Variants in DGKB observed in about 807,000 individuals in gnomAD.
DGKB encodes 90 kDa diacylglycerol kinase.
A neutral mutation model predicts 114.3 loss-of-function variants in DGKB; 67 were observed. The ratio of observed to expected loss-of-function variants is 0.59; its 90% CI spans 0.48 to 0.72. The LOEUF (loss-of-function observed/expected upper bound fraction) is 0.72, where lower values mean the gene tolerates loss of function less well. DGKB is among the 30% of genes least tolerant of loss of function. DGKB has a pLI of 0.00. For synonymous variants in DGKB, 398 were observed against 323.1 expected (o/e 1.23, Z -2.49); for missense variants, 907 against 975.2 (o/e 0.93, Z 0.93).
intron 20 of DGKB, among the ~76,000 whole-genome samples, chr7:14,558,071 A>T (rs1456810838): frequency 6.6e-6 from 1 of 150,754 alleles, no homozygotes; most frequent in Non-Finnish European, 1.5e-5. Flanking sequence ...ACATCTCCAC[A>T]TTTTTATCTG....
chr7:14,268,726 A>C lies in DGKB; in HGVS notation c.2122+69789T>G, dbSNP rs559355861. On this transcript the variant is annotated intron_variant, in intron 23 of 25. Coordinates refer to ENST00000402815, the MANE Select transcript of DGKB (RefSeq NM_001350709.2). Reference sequence around the variant, plus strand: ...GTTGGCTTAGCAATTTAATCTATTTAACTCCTACAAAGCATAACTTATTTA... The same window carrying C: ...GTTGGCTTAGCAATTTAATCTATTTCACTCCTACAAAGCATAACTTATTTA... 5.3e-5 allele frequency among the ~76,000 whole-genome samples: 8 copies of C among 152,322 alleles called. No individual in the cohort carries two copies. In the South Asian group the frequency reaches 1.0e-3, roughly 20 times the overall value.
intron 1 of DGKB, among the ~76,000 whole-genome samples, chr7:14,911,071 T>G (rs750356935): frequency 1.3e-5 from 2 of 152,120 alleles, no homozygotes; most frequent in Non-Finnish European, 2.9e-5. Context: ...CATTAACTCA[T>G]TAATCTTAAT....
At chr7:14,801,919 T>C (rs879519049) in intron 2 of DGKB, among the ~76,000 whole-genome samples, 6,387 of 126,310 alleles carry the variant, frequency 0.051, 185 homozygotes, top group South Asian at 0.065. Context: ...CACACATATA[T>C]ACATATACAC....
intron 23 of DGKB, among the ~76,000 whole-genome samples, chr7:14,200,845 C>T (rs1011073279): frequency 5.9e-5 from 9 of 151,874 alleles, no homozygotes; most frequent in Non-Finnish European, 1.0e-4. Context: ...ATTGTAGAAG[C>T]TTAGGAAAAG....
intron 1 of DGKB, among the ~76,000 whole-genome samples, chr7:14,857,263 T>TGTGTGTGTGA (rs961680470): frequency 2.5e-5 from 3 of 118,320 alleles, no homozygotes; most frequent in Admixed American, 8.4e-5. Context: ...TGTGTTTGTG[T>TGTGTGTGTGA]GTGTGTGTGT....
intron 1 of DGKB, among the ~76,000 whole-genome samples, chr7:14,965,965 T>A (rs1787121612): frequency 6.6e-6 from 1 of 152,098 alleles, no homozygotes; most frequent in African/African-American, 2.4e-5. Flanking sequence ...TCCTCCCAAA[T>A]CTGATACCCT....
chr7:14,808,640 CA>C (rs1249404609), intron 2 of DGKB, among the ~76,000 whole-genome samples: 2 of 151,700 alleles, frequency 1.3e-5, no homozygotes, highest in Non-Finnish European at 2.9e-5. Context: ...GAAGAGATTG[CA>C]AAAAAAGAAT....
At chr7:14,469,479 A>T in intron 21 of DGKB, among the ~76,000 whole-genome samples, 1 of 152,086 alleles carries the variant, frequency 6.6e-6, no homozygotes, top group East Asian at 1.9e-4. Context: ...AAAGGAAGGG[A>T]GAAAAGTTAT....
intron 21 of DGKB, among the ~76,000 whole-genome samples, chr7:14,465,301 T>C (rs1187137651): frequency 1.3e-5 from 2 of 150,330 alleles, no homozygotes; most frequent in East Asian, 2.0e-4. Flanking sequence ...ATAATAAATA[T>C]TTCTCAAGCT....
intron 23 of DGKB, among the ~76,000 whole-genome samples, chr7:14,313,448 T>C (rs545514014): frequency 3.9e-5 from 6 of 152,240 alleles, no homozygotes; most frequent in African/African-American, 1.4e-4. Flanking sequence ...GGGCGAGGCA[T>C]TGCCTCACTC....
chr7:14,749,669 C>G (rs1288424022), intron 4 of DGKB, among the ~76,000 whole-genome samples: 1 of 152,076 alleles, frequency 6.6e-6, no homozygotes, highest in African/African-American at 2.4e-5. Context: ...GTGACACTGT[C>G]TTGTCACACC....
At chr7:14,284,341 C>G (rs936237793) in intron 23 of DGKB, among the ~76,000 whole-genome samples, 2 of 142,550 alleles carry the variant, frequency 1.4e-5, no homozygotes, top group African/African-American at 5.8e-5. Context: ...GAATGGCAAT[C>G]ATTAAAAAGT....
intron 2 of DGKB, among the ~76,000 whole-genome samples, chr7:14,793,666 A>T (rs1301725771): frequency 6.6e-6 from 1 of 152,178 alleles, no homozygotes; most frequent in African/African-American, 2.4e-5. Context: ...TATATGCATA[A>T]GCTGACAGAA....
intron 17 of DGKB, among the ~76,000 whole-genome samples, chr7:14,586,418 G>T (rs1800774078): frequency 6.6e-6 from 1 of 152,074 alleles, no homozygotes; most frequent in South Asian, 2.1e-4. Context: ...GCAGATGTTG[G>T]TTCTTGAAGC....
chr7:14,540,188 T>A (rs1793192686), intron 20 of DGKB, among the ~76,000 whole-genome samples: 1 of 152,144 alleles, frequency 6.6e-6, no homozygotes, highest in African/African-American at 2.4e-5. Flanking sequence ...GGAGGTATAA[T>A]ATTTGTTATT....
chr7:14,933,780 T>C (rs1347797424), intron 1 of DGKB, among the ~76,000 whole-genome samples: 1 of 152,186 alleles, frequency 6.6e-6, no homozygotes, highest in East Asian at 1.9e-4. Context: ...GTTTTGCTGC[T>C]CTTCGATTAT....
intron 25 of DGKB, among the ~76,000 whole-genome samples, chr7:14,157,593 G>C (rs1288830094): frequency 6.6e-6 from 1 of 152,052 alleles, no homozygotes; most frequent in Non-Finnish European, 1.5e-5. Flanking sequence ...TGAAAGTGAT[G>C]GACTATTTGG....
At chr7:14,495,325 G>C (rs974450976) in intron 20 of DGKB, among the ~76,000 whole-genome samples, 4 of 151,732 alleles carry the variant, frequency 2.6e-5, no homozygotes, top group Non-Finnish European at 4.4e-5. Context: ...CTTTAAAAGG[G>C]TATGTTTCTC....
intron 2 of DGKB, among the ~76,000 whole-genome samples, chr7:14,817,484 G>T (rs1180934857): frequency 6.6e-6 from 1 of 152,052 alleles, no homozygotes; most frequent in Non-Finnish European, 1.5e-5. Context: ...AGCTTCTAAG[G>T]TATTGATGAC....
Sources: gnomAD v4.1 joint callset for allele counts (sites outside exome capture counted in the v4.1 genomes callset) on GRCh38, gnomAD v4.1.1 for gene constraint, MANE v1.5 for transcripts, NCBI Gene and HGNC (gene_info 2026-07-23, HGNC 2026-07-21) for gene names.